CTNNA2: variants seen among roughly 807,000 people sequenced by gnomAD.
The protein encoded by CTNNA2 is catenin alpha 2.
A neutral mutation model predicts 101.0 loss-of-function variants in CTNNA2; 42 were observed. The observed-to-expected ratio is 0.42, with a 90% CI of 0.32 to 0.54. The LOEUF (loss-of-function observed/expected upper bound fraction) is 0.54. CTNNA2 is among the 20% of genes least tolerant of loss of function. The probability of loss-of-function intolerance (pLI) is 0.14; values close to 1 mark genes in which losing one functional copy is unlikely to be tolerated. For synonymous variants in CTNNA2, 450 were observed against 456.4 expected, an observed-to-expected ratio of 0.99 and a Z score of 0.18; for missense variants, 871 against 1,223.1, an observed-to-expected ratio of 0.71 and a Z score of 4.29.
chr2:80,516,082 T>C (rs1405590973), intron 9 of CTNNA2, among the ~76,000 whole-genome samples: 1 of 152,218 alleles, frequency 6.6e-6, no homozygotes, highest in Non-Finnish European at 1.5e-5. Flanking sequence ...GGATTCATTA[T>C]GCAGAACATA....
chr2:80,351,086 TACA>T (rs1194782567), intron 7 of CTNNA2, among the ~76,000 whole-genome samples: 2 of 152,238 alleles, frequency 1.3e-5, no homozygotes, highest in East Asian at 3.9e-4. Context: ...AGAACACTCC[TACA>T]ACCATTGAGA....
At chr2:79,541,202 T>TTG (rs1415381970) in intron 1 of CTNNA2, among the ~76,000 whole-genome samples, 2 of 116,650 alleles carry the variant, frequency 1.7e-5, no homozygotes, top group Non-Finnish European at 3.9e-5. Flanking sequence ...ATATATGAGT[T>TTG]TGTGTGTATA....
intron 4 of CTNNA2, among the ~76,000 whole-genome samples, chr2:79,500,490 A>G (rs1191037821): frequency 1.3e-5 from 2 of 152,236 alleles, no homozygotes; most frequent in African/African-American, 4.8e-5. Flanking sequence ...TTGAAATTAC[A>G]CAGAATAATT....
intron 7 of CTNNA2, among the ~76,000 whole-genome samples, chr2:80,203,332 T>C (rs1707330811): frequency 1.3e-5 from 2 of 152,192 alleles, no homozygotes; most frequent in East Asian, 3.9e-4. Flanking sequence ...AGACAAGCAA[T>C]TCCCTTCTAC....
At chr2:79,745,675 C>G (rs2104998839) in intron 3 of CTNNA2, among the ~76,000 whole-genome samples, 1 of 152,254 alleles carries the variant, frequency 6.6e-6, no homozygotes, top group Admixed American at 6.5e-5. Context: ...TAAGTGGAAT[C>G]ATACATATTA....
chr2:80,313,531 C>T (rs1293124415), intron 7 of CTNNA2: 2 of 1,604,972 alleles, frequency 1.2e-6, no homozygotes, highest in Admixed American at 1.7e-5. Flanking sequence ...TTGAGCAAGA[C>T]CAGGTAGAGG....
chr2:80,631,779 C>T (rs867515244), intron 18 of CTNNA2, among the ~76,000 whole-genome samples: 5 of 152,090 alleles, frequency 3.3e-5, no homozygotes, highest in African/African-American at 4.8e-5. Flanking sequence ...ACAGGTCATG[C>T]GCTTGAATCC....
chr2:79,196,006 G>C (rs1472092928), intron 1 of CTNNA2, among the ~76,000 whole-genome samples: 1 of 152,024 alleles, frequency 6.6e-6, no homozygotes, highest in East Asian at 1.9e-4. Context: ...ATGCGATCTC[G>C]GCTCAATGCA....
At chr2:79,989,950 G>T (rs1311148536) in intron 7 of CTNNA2, among the ~76,000 whole-genome samples, 1 of 152,118 alleles carries the variant, frequency 6.6e-6, no homozygotes, top group East Asian at 1.9e-4. Context: ...TCGGAGTTTG[G>T]TCTTCCGATT....
chr2:80,003,340 T>C (rs952491856), intron 7 of CTNNA2, among the ~76,000 whole-genome samples: 6 of 152,186 alleles, frequency 3.9e-5, no homozygotes, highest in Non-Finnish European at 8.8e-5. Context: ...ATGCTGAGAC[T>C]AAACTCTGTC....
chr2:80,443,737 G>T (rs911391222), intron 9 of CTNNA2, among the ~76,000 whole-genome samples: 1 of 152,140 alleles, frequency 6.6e-6, no homozygotes, highest in Admixed American at 6.5e-5. Context: ...CAACTCAAAC[G>T]CTTGTCAAGA....
At chr2:79,315,765 A>G (rs1312593500) in intron 3 of CTNNA2, among the ~76,000 whole-genome samples, 1 of 152,094 alleles carries the variant, frequency 6.6e-6, no homozygotes, top group Non-Finnish European at 1.5e-5. Context: ...TCTTTAGTGT[A>G]TATACATAGG....
At chr2:79,688,968 A>T (rs763916872) in intron 2 of CTNNA2, among the ~76,000 whole-genome samples, 1 of 151,954 alleles carries the variant, frequency 6.6e-6, no homozygotes, top group Non-Finnish European at 1.5e-5. Context: ...GAAAGATTCA[A>T]TGGCTGGGGG....
chr2:79,880,423 T>A (rs971720039), intron 6 of CTNNA2, among the ~76,000 whole-genome samples: 6 of 152,198 alleles, frequency 3.9e-5, no homozygotes, highest in Non-Finnish European at 8.8e-5. Flanking sequence ...TCTGGTAGAA[T>A]TCACCTGTGA....
intron 7 of CTNNA2, among the ~76,000 whole-genome samples, chr2:80,191,055 C>T (rs1319658727): frequency 6.6e-6 from 1 of 152,174 alleles, no homozygotes; most frequent in Non-Finnish European, 1.5e-5. Flanking sequence ...TAAACTTCCT[C>T]AGTGAAATGT....
chr2:80,323,026 A>G (rs942962234), intron 7 of CTNNA2, among the ~76,000 whole-genome samples: 3 of 152,200 alleles, frequency 2.0e-5, no homozygotes, highest in Non-Finnish European at 4.4e-5. Context: ...AAGATGAGCC[A>G]TATTCTTGAA....
At chr2:80,599,175 TAAATA>T (rs1428984248) in intron 15 of CTNNA2, among the ~76,000 whole-genome samples, 3 of 151,816 alleles carry the variant, frequency 2.0e-5, no homozygotes, top group African/African-American at 7.3e-5. Context: ...AAGACAAACT[TAAATA>T]AAATTAAACT....
intron 7 of CTNNA2, among the ~76,000 whole-genome samples, chr2:79,960,323 A>G (rs1689542927): frequency 6.6e-6 from 1 of 152,214 alleles, no homozygotes; most frequent in South Asian, 2.1e-4. Context: ...GTTTAATATA[A>G]CTCACATACA....
chr2:80,180,619 A>G (rs1355970730), intron 7 of CTNNA2, among the ~76,000 whole-genome samples: 4 of 152,212 alleles, frequency 2.6e-5, no homozygotes, highest in African/African-American at 9.6e-5. Flanking sequence ...AAGATCTGCC[A>G]TACAGAGAAG....
Sources: allele counts gnomAD v4.1 joint callset (sites outside exome capture counted in the v4.1 genomes callset), GRCh38; gene constraint gnomAD v4.1.1; transcripts MANE v1.5; gene names NCBI Gene and HGNC (gene_info 2026-07-23, HGNC 2026-07-21).